Variants in PTK2B observed in about 807,000 individuals in gnomAD.
The protein encoded by PTK2B is protein-tyrosine kinase 2-beta.
PTK2B carries 71 observed loss-of-function variants against 142.9 expected under a neutral mutation model. The observed-to-expected ratio is 0.50, with a 90% CI of 0.41 to 0.61. The LOEUF (loss-of-function observed/expected upper bound fraction) is 0.61, where lower values mean the gene tolerates loss of function less well. Among genes scored for constraint, PTK2B ranks in the 20% least tolerant of loss-of-function variants. PTK2B has a pLI of 0.00. For synonymous variants in PTK2B, 519 were observed against 503.4 expected, an observed-to-expected ratio of 1.03 and a Z score of -0.42; for missense variants, 1,105 against 1,320.4, an observed-to-expected ratio of 0.84 and a Z score of 2.53.
intron 2 of PTK2B, 33 bp from the exon 3 acceptor site, chr8:27,419,862 C>A (rs528351990): frequency 3.4e-5 from 54 of 1,611,558 alleles, no homozygotes; most frequent in Non-Finnish European, 4.6e-5. Flanking sequence ...AGGTGGGCAC[C>A]CCTGAGTCAT....
intron 1 of PTK2B, among the ~76,000 whole-genome samples, chr8:27,353,496 G>A (rs1805217731): frequency 6.6e-6 from 1 of 152,180 alleles, no homozygotes. Context: ...CTCACACGCT[G>A]ATCTGTGAGT....
intron 2 of PTK2B, among the ~76,000 whole-genome samples, chr8:27,411,510 G>T (rs1350827016): frequency 6.6e-6 from 1 of 152,224 alleles, no homozygotes; most frequent in African/African-American, 2.4e-5. Flanking sequence ...GACAGTTGCT[G>T]ATGGTTTGAA....
rs1264912138 is a variant in PTK2B, at chr8:27,440,408, G to A, written c.2006G>A (p.Arg669Gln). The A allele has an allele frequency of 3.1e-6, 5 of 1,613,962 alleles. No homozygotes were observed. Among genetic ancestry groups the A allele is most frequent in the Admixed American group, 3.3e-5 (2 of 60,000 alleles). The change falls in exon 21 of 31, where the codon CGG (arginine) becomes CAG (glutamine). Residue 669 changes from arginine (R) to glutamine (Q), a missense_variant. Coordinates refer to ENST00000346049, the MANE Select transcript of PTK2B (RefSeq NM_173176.3). ...TRCWDYDPSDRPRFTELVCSL... is the reference protein window; with the variant it reads ...TRCWDYDPSDQPRFTELVCSL... ...TGCTGGGACTACGACCCCAGTGACC[G>A]GCCCCGCTTCACCGAGCTGGTGTGC...
chr8:27,375,559 C>G (rs530140106), intron 1 of PTK2B, among the ~76,000 whole-genome samples: 1 of 152,320 alleles, frequency 6.6e-6, no homozygotes, highest in East Asian at 1.9e-4. Context: ...ACATCCAGGT[C>G]CTAGAATCCA....
chr8:27,367,573 G>A (rs1806094829), intron 1 of PTK2B, among the ~76,000 whole-genome samples: 1 of 152,198 alleles, frequency 6.6e-6, no homozygotes, highest in Non-Finnish European at 1.5e-5. Context: ...TTCAGGGTTT[G>A]TATCAATTTC....
At chr8:27,364,399 A>G (rs1805897003) in intron 1 of PTK2B, among the ~76,000 whole-genome samples, 1 of 152,218 alleles carries the variant, frequency 6.6e-6, no homozygotes, top group Non-Finnish European at 1.5e-5. Context: ...CTTACCAGAA[A>G]CCTGGAGCCC....
rs1356756940 is a variant in PTK2B, at chr8:27,445,819, C to G, written c.2240C>G (p.Ser747Cys). 2 of 1,614,044 alleles carry G rather than the reference C, an allele frequency of 1.2e-6. No homozygotes were observed. Among genetic ancestry groups the G allele is most frequent in the Non-Finnish European group, 1.7e-6 (2 of 1,180,040 alleles). The part of the protein sequence containing the change: ...FQVPEGLCAS[S>C]PTLTSPMEYP... ...GTTCCTGAGGGTCTGTGTGCCAGCT[C>G]TCCTACGCTCACCAGCCCTATGGAG... The change falls in exon 24 of 31, where the codon TCT becomes TGT. Residue 747 changes from serine to cysteine, a missense_variant. Coordinates refer to ENST00000346049, the MANE Select transcript of PTK2B (RefSeq NM_173176.3).
chr8:27,439,302 C>T lies in PTK2B; in HGVS notation c.1745-7C>T. ...CCCTAAAAATCAACCTCTTTGCCCA[C>T]CCAAAGCCTCTGTGACTCGTCTCCC... On this transcript the variant is annotated splice_polypyrimidine_tract_variant and splice_region_variant and intron_variant, in intron 19 of 30. Coordinates refer to ENST00000346049, the MANE Select transcript of PTK2B (RefSeq NM_173176.3). 2 of 1,612,328 alleles carry T rather than the reference C, an allele frequency of 1.2e-6. No individual in the cohort carries two copies. The highest frequency in any genetic ancestry group is 1.7e-6 in the Non-Finnish European group (2 of 1,178,346).
intron 1 of PTK2B, among the ~76,000 whole-genome samples, chr8:27,334,149 T>C (rs1425954564): frequency 1.3e-5 from 2 of 152,154 alleles, no homozygotes; most frequent in Non-Finnish European, 2.9e-5. Flanking sequence ...TTCCCGTTTC[T>C]ATGGCCCCTA....
intron 1 of PTK2B, among the ~76,000 whole-genome samples, chr8:27,353,697 G>A (rs1348038010): frequency 3.3e-5 from 5 of 152,194 alleles, no homozygotes; most frequent in Non-Finnish European, 7.4e-5. Context: ...CAGGAGGCAC[G>A]ATTTCTACTG....
upstream of PTK2B, among the ~76,000 whole-genome samples, chr8:27,321,330 AG>A (rs1165366051): frequency 2.0e-5 from 3 of 152,128 alleles, no homozygotes; most frequent in Non-Finnish European, 4.4e-5. Flanking sequence ...AGAAATTCCA[AG>A]GGTTTTAGAA....
In PTK2B at chr8:27,457,406, G is replaced by A. The variant is rs554983096; in HGVS notation, c.2815-888G>A. ...GATGGAGATATAGAAGGAGATTAATGTTTTCACTGCATCCATTCTGCAGCC... is the reference window on the plus strand; with the variant it reads ...GATGGAGATATAGAAGGAGATTAATATTTTCACTGCATCCATTCTGCAGCC... On this transcript the variant is annotated intron_variant, in intron 30 of 30. Coordinates refer to ENST00000346049, the MANE Select transcript of PTK2B (RefSeq NM_173176.3). Among the ~76,000 whole-genome samples, 3 of 152,316 alleles carry A rather than the reference G, an allele frequency of 2.0e-5. No homozygotes were observed. In the South Asian group the frequency reaches 6.2e-4, roughly 32 times the overall value.
chr8:27,337,010 A>G (rs1804111727), intron 1 of PTK2B, among the ~76,000 whole-genome samples: 1 of 147,648 alleles, frequency 6.8e-6, no homozygotes, highest in African/African-American at 2.5e-5. Context: ...TTTTTTAATA[A>G]CCGCTAATTA....
In PTK2B at chr8:27,453,400, G is replaced by A. The variant is rs556535510; in HGVS notation, c.2595+240G>A. On this transcript the variant is annotated intron_variant, in intron 28 of 30. Transcript: ENST00000346049. ...CACTCTCCATCCCCCTCCCAGACTT[G>A]GAGTAGAGCTCCCTGGTCCAGCTTC... Among the ~76,000 whole-genome samples, 155 of 152,282 alleles carry A rather than the reference G, an allele frequency of 1.0e-3. 1 individual carries two copies. Among genetic ancestry groups the A allele is most frequent in the African/African-American group, 3.5e-3 (146 of 41,558 alleles).
chr8:27,374,639 T>G (rs1041391381), intron 1 of PTK2B, among the ~76,000 whole-genome samples: 1 of 152,172 alleles, frequency 6.6e-6, no homozygotes, highest in African/African-American at 2.4e-5. Context: ...AGTTGGATAG[T>G]GGCCTCCAGT....
At chr8:27,455,664 G>A (rs1812101369) in intron 30 of PTK2B, among the ~76,000 whole-genome samples, 3 of 152,252 alleles carry the variant, frequency 2.0e-5, no homozygotes, top group Admixed American at 2.0e-4. Flanking sequence ...TGTCAGAGCT[G>A]GAGAAGGCAA....
Position 27,397,741 on chromosome 8 carries a change from G to A in PTK2B, c.157G>A (p.Gly53Arg). The change falls in exon 2 of 31, where the codon GGG (glycine) becomes AGG (arginine). Residue 53 changes from glycine to arginine, a missense_variant. By Grantham distance (125) the Gly-to-Arg change is moderately radical (BLOSUM62 -2). Transcript: ENST00000346049. ...CTTCTATAGCAACAGCTTCAATCCTGGGAAAAACTTCAAACTGGTCAAATG... is the reference window on the plus strand; with the variant it reads ...CTTCTATAGCAACAGCTTCAATCCTAGGAAAAACTTCAAACTGGTCAAATG... ...VCFYSNSFNP[G>R]KNFKLVKCTV... 6.2e-7 allele frequency: 1 copy of A among 1,614,264 alleles called. No homozygotes were observed. The highest frequency in any genetic ancestry group is 8.5e-7 in the Non-Finnish European group (1 of 1,180,054).
At chr8:27,380,560 G>A (rs1237229036) in intron 1 of PTK2B, 2 of 151,890 alleles carry the variant, frequency 1.3e-5, no homozygotes, top group Admixed American at 1.3e-4. Context: ...TTTTACCCAA[G>A]CGCCTTTTTT....
chr8:27,338,068 T>C lies in PTK2B; in HGVS notation c.-38+12387T>C, dbSNP rs74463939. On this transcript the variant is annotated intron_variant, in intron 1 of 30. Coordinates refer to ENST00000346049, the MANE Select transcript of PTK2B (RefSeq NM_173176.3). ...TCGTTGTTAGCCATCCCAGTGGGGATGAAGTAGTATCTTACTGTGGTTTTC... is the reference window on the plus strand; with the variant it reads ...TCGTTGTTAGCCATCCCAGTGGGGACGAAGTAGTATCTTACTGTGGTTTTC... Among the ~76,000 whole-genome samples the C allele has an allele frequency of 4.5e-3, 686 of 152,356 alleles. 7 individuals carry two copies. Among genetic ancestry groups the C allele is most frequent in the East Asian group, 0.035 (183 of 5,188 alleles).
Sources: allele counts gnomAD v4.1 joint callset (sites outside exome capture counted in the v4.1 genomes callset), GRCh38; gene constraint gnomAD v4.1.1; transcripts MANE v1.5; gene names NCBI Gene and HGNC (gene_info 2026-07-23, HGNC 2026-07-21).